LNP1: variants seen among roughly 807,000 people sequenced by gnomAD.
LNP1 encodes leukemia NUP98 fusion partner 1.
LNP1 carries 12 observed loss-of-function variants against 14.5 expected under a neutral mutation model. The observed-to-expected ratio is 0.83, with a 90% CI of 0.53 to 1.34. The LOEUF is 1.34. Ranked by LOEUF, LNP1 falls within the 40% of genes most tolerant of loss-of-function variation. The probability of loss-of-function intolerance (pLI) is 0.00; values close to 1 mark genes in which losing one functional copy is unlikely to be tolerated. For missense variants in LNP1, 198 were observed against 210.9 expected (o/e 0.94, Z 0.38); for synonymous variants, 75 against 71.4 (o/e 1.05, Z -0.26).
intron 1 of LNP1, among the ~76,000 whole-genome samples, chr3:100,413,239 G>T (rs548611759): frequency 6.6e-6 from 1 of 152,144 alleles, no homozygotes; most frequent in Admixed American, 6.5e-5. Context: ...ATATATGGAA[G>T]CCTGTTTCTT....
At position 100,414,700 on chromosome 3, in the gene LNP1, G is replaced by A. The variant is rs535111550; in HGVS notation, c.-34+12261G>A. Among the ~76,000 whole-genome samples, 4 of 152,302 alleles carry A rather than the reference G, an allele frequency of 2.6e-5. No homozygotes were observed. In the South Asian group the frequency reaches 8.3e-4, roughly 32 times the overall value. Reference sequence around the variant, plus strand: ...AAACTGCTTATGGAGGGGCCACATAGCAAGGAACTCTAGGAGCTTAGAGTC... The same window carrying A: ...AAACTGCTTATGGAGGGGCCACATAACAAGGAACTCTAGGAGCTTAGAGTC... On this transcript the variant is annotated intron_variant, in intron 1 of 3. Transcript: ENST00000383693.
chr3:100,419,851 G>C (rs115394938), intron 1 of LNP1, among the ~76,000 whole-genome samples: 1,807 of 152,204 alleles, frequency 0.012, 34 homozygotes, highest in African/African-American at 0.042. Flanking sequence ...GCAGGCTCTT[G>C]CATGAACATA....
intron 3 of LNP1, 55 bp downstream of exon 3, chr3:100,452,004 G>GT: frequency 8.4e-7 from 1 of 1,189,354 alleles, no homozygotes; most frequent in Non-Finnish European, 1.2e-6. Context: ...AAACCCAAAG[G>GT]TTTTGTCCTC....
intron 1 of LNP1, among the ~76,000 whole-genome samples, chr3:100,414,242 G>A (rs1451209993): frequency 6.6e-6 from 1 of 152,124 alleles, no homozygotes; most frequent in Non-Finnish European, 1.5e-5. Flanking sequence ...GTTCAAGATG[G>A]TTTAATCAAG....
At chr3:100,443,880 A>C (rs1707365549) in intron 2 of LNP1, among the ~76,000 whole-genome samples, 1 of 152,208 alleles carries the variant, frequency 6.6e-6, no homozygotes, top group African/African-American at 2.4e-5. Flanking sequence ...GTAGAGAGAA[A>C]ACAAATATGC....
chr3:100,422,994 G>A (rs1036316599), intron 1 of LNP1, among the ~76,000 whole-genome samples: 1 of 151,932 alleles, frequency 6.6e-6, no homozygotes, highest in Non-Finnish European at 1.5e-5. Flanking sequence ...AGACTTCACA[G>A]TATAACTTGA....
intron 2 of LNP1, among the ~76,000 whole-genome samples, chr3:100,434,908 A>T (rs902282520): frequency 2.0e-5 from 3 of 151,514 alleles, no homozygotes; most frequent in Non-Finnish European, 4.4e-5. Context: ...TACAGTGATG[A>T]AAGATATTTG....
chr3:100,426,593 A>C (rs1576230304), intron 1 of LNP1, among the ~76,000 whole-genome samples: 1 of 152,246 alleles, frequency 6.6e-6, no homozygotes, highest in Non-Finnish European at 1.5e-5. Context: ...CAGACACCTG[A>C]TTATATAAGA....
chr3:100,429,792 G>A lies in LNP1; in HGVS notation c.63G>A (p.Trp21Ter). 6.2e-7 allele frequency: 1 copy of A among 1,613,890 alleles called. No individual in the cohort carries two copies. Among genetic ancestry groups the A allele is most frequent in the Non-Finnish European group, 8.5e-7 (1 of 1,179,946 alleles). ...VSFAKWMSSF[W>*]GHSWREEDQR... ...TTGCCAAATGGATGAGCAGCTTCTG[G>A]GGCCACAGCTGGAGAGAGGAGGATC... Residue 21 changes from tryptophan (W) to a stop codon, truncating the protein, a stop_gained, in exon 2 of 4, where the codon TGG becomes TGA. Transcript: ENST00000383693. LOFTEE classifies it high-confidence loss of function.
intron 1 of LNP1, among the ~76,000 whole-genome samples, chr3:100,419,536 A>G (rs1433087926): frequency 6.6e-6 from 1 of 152,062 alleles, no homozygotes; most frequent in African/African-American, 2.4e-5. Flanking sequence ...GTGCAATTTT[A>G]TCACATCCAT....
At chr3:100,424,499 A>G (rs1707173913) in intron 1 of LNP1, among the ~76,000 whole-genome samples, 1 of 152,188 alleles carries the variant, frequency 6.6e-6, no homozygotes, top group Non-Finnish European at 1.5e-5. Flanking sequence ...GTGCAAGGCA[A>G]GTGTTTATTA....
rs553660326 is a variant in LNP1 at position 100,412,910 on chromosome 3, C to T, written c.-34+10471C>T. On this transcript the variant is annotated intron_variant, in intron 1 of 3. Transcript: ENST00000383693. Reference sequence around the variant, plus strand: ...CCTGTTAACTTATTTATCCACCCAACACAATACCTGAAATATGGTCAATGC... The same window carrying T: ...CCTGTTAACTTATTTATCCACCCAATACAATACCTGAAATATGGTCAATGC... 2.6e-5 allele frequency among the ~76,000 whole-genome samples: 4 copies of T among 152,298 alleles called. No individual in the cohort carries two copies. The East Asian group carries it at 7.7e-4, about 29-fold the overall frequency.
At chr3:100,452,312 C>G (rs1219694917) in intron 3 of LNP1, among the ~76,000 whole-genome samples, 1 of 151,228 alleles carries the variant, frequency 6.6e-6, no homozygotes, top group Non-Finnish European at 1.5e-5. Flanking sequence ...ACGTGTTCCT[C>G]CCACCTCAGC....
chr3:100,430,485 G>C (rs1172253455), intron 2 of LNP1, among the ~76,000 whole-genome samples: 1 of 152,204 alleles, frequency 6.6e-6, no homozygotes, highest in East Asian at 1.9e-4. Flanking sequence ...CTCCCAAGAG[G>C]GGAATGGGTG....
rs562000656 is a variant in LNP1, at chr3:100,417,371, C to CTTTTTTTTTTTTTTT, written c.-33-12318_-33-12304dup. On this transcript the variant is annotated intron_variant, in intron 1 of 3. Transcript: ENST00000383693. ...CTTTTTCTTTCTTTCTTTCTTTTTT[C>CTTTTTTTTTTTTTTT]TTTTTTTTTTTTTTTTTTTTTTCGA... Among the ~76,000 whole-genome samples the CTTTTTTTTTTTTTTT allele has an allele frequency of 2.5e-3, 159 of 64,604 alleles. 2 individuals are homozygous for CTTTTTTTTTTTTTTT. Among genetic ancestry groups the CTTTTTTTTTTTTTTT allele is most frequent in the Non-Finnish European group, 3.6e-3 (125 of 35,170 alleles). The allele number at this position is 64,604 out of a possible 152,430, so 42.4% of individuals were successfully genotyped here.
intron 2 of LNP1, among the ~76,000 whole-genome samples, chr3:100,450,371 C>T (rs928097973): frequency 3.3e-5 from 5 of 150,220 alleles, no homozygotes; most frequent in African/African-American, 4.9e-5. Context: ...TTCACTCTTC[C>T]TGCCCAGGCC....
At chr3:100,409,348 GTAAA>G (rs1345798989) in intron 1 of LNP1, among the ~76,000 whole-genome samples, 1 of 151,766 alleles carries the variant, frequency 6.6e-6, no homozygotes, top group Non-Finnish European at 1.5e-5. Flanking sequence ...CCATAATTTT[GTAAA>G]TAAATAAATA....
At chr3:100,455,722 G>A (rs756017806) in intron 3 of LNP1, 55 bp from the exon 4 acceptor site, 51 of 1,538,470 alleles carry the variant, frequency 3.3e-5, no homozygotes, top group African/African-American at 5.5e-5. Context: ...AGAGAAATGT[G>A]GAGTGTTGTC....
chr3:100,414,194 T>C (rs775897784), intron 1 of LNP1, among the ~76,000 whole-genome samples: 4 of 152,182 alleles, frequency 2.6e-5, no homozygotes, highest in Admixed American at 2.6e-4. Context: ...CAGAGATTAC[T>C]CCGTGTTATT....
Sources: gnomAD v4.1 joint callset for allele counts (sites outside exome capture counted in the v4.1 genomes callset) on GRCh38, gnomAD v4.1.1 for gene constraint, MANE v1.5 for transcripts, NCBI Gene and HGNC (gene_info 2026-07-23, HGNC 2026-07-21) for gene names.